Variants in CEP72 observed in about 807,000 individuals in gnomAD.
CEP72 encodes the protein centrosomal protein 72, also known as centrosomal protein of 72 kDa.
A neutral mutation model predicts 65.7 loss-of-function variants in CEP72; 78 were observed. That is an observed-to-expected ratio of 1.19 (90% confidence interval 0.99 to 1.43). The LOEUF (loss-of-function observed/expected upper bound fraction) is 1.43. CEP72 is among the 40% of genes most tolerant of loss of function. The pLI is 0.00. For synonymous variants in CEP72, 358 were observed against 351.7 expected (o/e 1.02, Z -0.20); for missense variants, 914 against 832.9 (o/e 1.10, Z -1.20).
At chr5:626,103 T>C (rs1038709931) in intron 4 of CEP72, among the ~76,000 whole-genome samples, 3 of 152,274 alleles carry the variant, frequency 2.0e-5, no homozygotes, top group African/African-American at 7.2e-5. Context: ...GCACCCTGGC[T>C]GTCATCACTT....
At chr5:656,324 G>A (rs938162058), downstream of CEP72, among the ~76,000 whole-genome samples, 86 of 152,294 alleles carry the variant, frequency 5.6e-4, no homozygotes, top group African/African-American at 1.9e-3. Flanking sequence ...CTAGCCGGTC[G>A]AGTTGGGATT....
chr5:643,337 C>G (rs752160097), intron 9 of CEP72: 2 of 985,476 alleles, frequency 2.0e-6, no homozygotes, highest in Non-Finnish European at 2.4e-6. Flanking sequence ...GCGCGGAGGG[C>G]AGGTCATGCT....
chr5:654,081 G>GTGTGTGTGTGCTAGC (rs1368049441), downstream of CEP72, among the ~76,000 whole-genome samples: 4 of 67,502 alleles, frequency 5.9e-5, 1 homozygote, highest in East Asian at 1.1e-3. Flanking sequence ...TGTGCGCCTA[G>GTGTGTGTGTGCTAGC]TGTGTGTGTG....
At position 666,156 on chromosome 5, in the gene CEP72, C is replaced by T. The variant is rs750249142; in HGVS notation, n.592+57C>T. The T allele has an allele frequency of 3.1e-5, 47 of 1,538,308 alleles. 1 individual carries two copies. In the Middle Eastern group the frequency reaches 5.1e-4, roughly 17 times the overall value. On this transcript the variant is annotated intron_variant and non_coding_transcript_variant, in intron 4 of 4. Transcript: ENST00000514507. ...GGCACAGGCGACTTAGGGCTGGGCG[C>T]GGGCCGGCCCAGGGCTGCCCTCCCC...
At chr5:622,489 A>G (rs891254381) in intron 3 of CEP72, among the ~76,000 whole-genome samples, 1 of 152,324 alleles carries the variant, frequency 6.6e-6, no homozygotes, top group Non-Finnish European at 1.5e-5. Flanking sequence ...TGTGTGGCCA[A>G]AGTGAGACCT....
At chr5:613,363 A>G (rs938304581) in intron 1 of CEP72, among the ~76,000 whole-genome samples, 1 of 151,134 alleles carries the variant, frequency 6.6e-6, no homozygotes, top group Non-Finnish European at 1.5e-5. Context: ...CATCTCCCCA[A>G]GGAGATCTGA....
chr5:628,548 TTG>T (rs1243497831), intron 4 of CEP72, among the ~76,000 whole-genome samples: 321 of 146,724 alleles, frequency 2.2e-3, no homozygotes, highest in African/African-American at 5.5e-3. Context: ...AGAACTCAGG[TTG>T]CAGTCCCCGG....
chr5:659,798 C>T (rs986740660), downstream of CEP72: 1 of 152,402 alleles, frequency 6.6e-6, no homozygotes, highest in Non-Finnish European at 1.5e-5. Flanking sequence ...CACCTGGGGC[C>T]CCTCCAGTAC....
Position 624,307 on chromosome 5 carries a change from C to T in CEP72, c.404-164C>T, listed in dbSNP as rs531930860. Among the ~76,000 whole-genome samples, 10 of 152,310 alleles carry T rather than the reference C, an allele frequency of 6.6e-5. No individual in the cohort carries two copies. The highest frequency in any genetic ancestry group is 5.8e-4 in the East Asian group (3 of 5,180). On this transcript the variant is annotated intron_variant, in intron 3 of 11. Coordinates refer to ENST00000264935, the MANE Select transcript of CEP72 (RefSeq NM_018140.4). This position sits in a 1 kb window ranked among gnomAD's most constrained non-coding sequence, Gnocchi z 4.7. Reference sequence around the variant, plus strand: ...GCCTCAGCACCACGCTGGGCATCGCCGGGAAGCTGTGGGACCACCAGAGCC... The same window carrying T: ...GCCTCAGCACCACGCTGGGCATCGCTGGGAAGCTGTGGGACCACCAGAGCC...
intron 1 of CEP72, among the ~76,000 whole-genome samples, chr5:614,753 AT>A (rs1422290333): frequency 6.6e-6 from 1 of 152,244 alleles, no homozygotes; most frequent in African/African-American, 2.4e-5. Context: ...TGGCCAGAAC[AT>A]AATCTGTATG....
At chr5:672,996 C>A in the CEP72 span, among the ~76,000 whole-genome samples, 2 of 152,188 alleles carry the variant, frequency 1.3e-5, no homozygotes, top group South Asian at 4.1e-4. Context: ...GCAACCTGCC[C>A]TGAAAACAGA....
chr5:669,194 T>G (rs1740090650), downstream of CEP72, among the ~76,000 whole-genome samples: 1 of 152,142 alleles, frequency 6.6e-6, no homozygotes, highest in South Asian at 2.1e-4. Context: ...CCTGGACTGC[T>G]GAGGGCAGCC....
At chr5:668,592 G>A (rs892746471), downstream of CEP72, among the ~76,000 whole-genome samples, 22 of 152,252 alleles carry the variant, frequency 1.4e-4, no homozygotes, top group African/African-American at 5.3e-4. Context: ...CGCGGGGTGG[G>A]GGCCTCGTCC....
chr5:641,089 A>G, intron 9 of CEP72: 1 of 985,446 alleles, frequency 1.0e-6, no homozygotes, highest in South Asian at 4.7e-5. Flanking sequence ...CCTCAGGCTC[A>G]GCTCAGCCAG....
At chr5:647,719 G>C (rs550814060) in intron 10 of CEP72, 86 bp from the exon 11 acceptor site, 85 of 880,978 alleles carry the variant, frequency 9.6e-5, no homozygotes, top group Non-Finnish European at 1.4e-4. Flanking sequence ...CCAAGATCCA[G>C]TTTAAATGTA....
Position 619,064 on chromosome 5 carries a change from T to A in CEP72, c.157T>A (p.Leu53Ile). ...ITHLGHSLMS[L>I]TGLKSLDLSR... ...CCACCTGGGACATTCTCTGATGAGT[T>A]TAACAGGTCTGAAATCTTTGGATCT... Residue 53 changes from leucine to isoleucine, a missense_variant, in exon 2 of 12, where the codon TTA becomes ATA. Coordinates refer to ENST00000264935, the MANE Select transcript of CEP72 (RefSeq NM_018140.4). 6.2e-7 allele frequency: 1 copy of A among 1,613,894 alleles called. No homozygotes were observed. The highest frequency in any genetic ancestry group is 8.5e-7 in the Non-Finnish European group (1 of 1,179,730).
At chr5:665,919 G>GGCCCCCCCCC in intron 3 of CEP72, 3 of 344,042 alleles carry the variant, frequency 8.7e-6, no homozygotes, top group Non-Finnish European at 7.9e-6. Flanking sequence ...CACCTTCCAG[G>GGCCCCCCCCC]CCCCGCCCCC....
At chr5:652,156 G>C (rs1373033315) in intron 11 of CEP72, among the ~76,000 whole-genome samples, 1 of 152,220 alleles carries the variant, frequency 6.6e-6, no homozygotes, top group East Asian at 1.9e-4. Context: ...TCTGTGGCAG[G>C]TCAAGGTACA....
intron 1 of CEP72, among the ~76,000 whole-genome samples, chr5:613,523 G>A (rs1323579215): frequency 6.6e-6 from 1 of 152,164 alleles, no homozygotes; most frequent in African/African-American, 2.4e-5. Flanking sequence ...GCGCCACCAT[G>A]CCCGGCTAAT....
Sources: gnomAD v4.1 joint callset for allele counts (sites outside exome capture counted in the v4.1 genomes callset) on GRCh38, gnomAD v4.1.1 for gene constraint, Gnocchi (gnomAD v3.1) non-coding constraint, MANE v1.5 for transcripts, NCBI Gene and HGNC (gene_info 2026-07-23, HGNC 2026-07-21) for gene names.